The following SAXO1 variants were observed in gnomAD, a reference collection of about 807,000 sequenced individuals.
SAXO1 encodes 4930500O09Rik.
A neutral mutation model predicts 17.5 loss-of-function variants in SAXO1; 21 were observed. The observed-to-expected ratio is 1.20, with a 90% CI of 0.85 to 1.72. SAXO1 has a LOEUF of 1.72. SAXO1 is among the 40% of genes most tolerant of loss of function. The pLI is 0.00. For synonymous variants in SAXO1, 274 were observed against 216.5 expected (o/e 1.27, Z -2.33); for missense variants, 843 against 596.0 (o/e 1.41, Z -4.32).
At chr9:19,028,795 C>G (rs570092854) in intron 1 of SAXO1, among the ~76,000 whole-genome samples, 12 of 152,250 alleles carry the variant, frequency 7.9e-5, no homozygotes, top group African/African-American at 2.9e-4. Flanking sequence ...AAAAGTTTTA[C>G]AAGTGATTGG....
At chr9:18,945,814 G>A (rs972594594) in intron 2 of SAXO1, among the ~76,000 whole-genome samples, 1 of 152,164 alleles carries the variant, frequency 6.6e-6, no homozygotes, top group Non-Finnish European at 1.5e-5. Context: ...ATTCTGGGGA[G>A]AGCCAACAGG....
At chr9:18,983,874 A>G (rs72694598) in intron 1 of SAXO1, among the ~76,000 whole-genome samples, 2,132 of 152,328 alleles carry the variant, frequency 0.014, 21 homozygotes, top group Non-Finnish European at 0.023. Context: ...CTGGCTTCCA[A>G]TCTTCAAAGG....
chr9:18,928,176 T>C lies in SAXO1; in HGVS notation c.1301A>G (p.Glu434Gly). The C allele has an allele frequency of 1.2e-6, 2 of 1,614,172 alleles. No individual in the cohort carries two copies. Among genetic ancestry groups the C allele is most frequent in the African/African-American group, 1.3e-5 (1 of 75,046 alleles). ...TATCCTGTGACCCAAAGCATCCACTTCCTCAAAGGTGTAGCCAGGAGGCTC... is the reference window on the plus strand; with the variant it reads ...TATCCTGTGACCCAAAGCATCCACTCCCTCAAAGGTGTAGCCAGGAGGCTC... ...YPEPPGYTFEEVDALGHRIYK... is the reference protein window; with the variant it reads ...YPEPPGYTFEGVDALGHRIYK... The change falls in exon 4 of 4, where the codon GAA (glutamate) becomes GGA (glycine). Residue 434 changes from glutamate to glycine, a missense_variant. Coordinates refer to ENST00000380534, the MANE Select transcript of SAXO1 (RefSeq NM_153707.4).
In SAXO1 at chr9:19,033,176, G is replaced by A. The variant is rs1306983659; in HGVS notation, c.-268C>T. 2 of 410,908 alleles carry A rather than the reference G, an allele frequency of 4.9e-6. No individual in the cohort carries two copies. Among genetic ancestry groups the A allele is most frequent in the Admixed American group, 4.3e-5 (1 of 23,324 alleles). 25.5% of individuals were successfully genotyped at this position (410,908 alleles called of 1,614,324 possible). A position where few individuals can be genotyped will look rare whatever the true frequency, so the allele number is the denominator to read the frequency against. On this transcript the variant is annotated 5_prime_UTR_variant, in exon 1 of 4. Coordinates refer to ENST00000380534, the MANE Select transcript of SAXO1 (RefSeq NM_153707.4). ...CCTGCACGCCACCGCCCCGGCCTCC[G>A]CAGTCCAGACTTAAGCACCTGGAGC... is the stretch of plus-strand genomic sequence containing the variant.
intron 1 of SAXO1, chr9:19,027,629 A>C: frequency 7.0e-7 from 1 of 1,434,032 alleles, no homozygotes. Context: ...AGATGGTGCC[A>C]AGCTAGTCCG....
At chr9:18,961,535 T>A (rs1034705604) in intron 1 of SAXO1, among the ~76,000 whole-genome samples, 1 of 151,862 alleles carries the variant, frequency 6.6e-6, no homozygotes, top group African/African-American at 2.4e-5. Context: ...CCCCTCCCTG[T>A]GTCCATGTGT....
chr9:19,041,525 A>G (rs1028079510), intron 1 of SAXO1, among the ~76,000 whole-genome samples: 30 of 152,206 alleles, frequency 2.0e-4, no homozygotes, highest in African/African-American at 7.2e-4. Flanking sequence ...TGGAGGAATC[A>G]CATTACCTGA....
At chr9:19,016,011 G>A (rs1834959864) in intron 1 of SAXO1, among the ~76,000 whole-genome samples, 1 of 152,186 alleles carries the variant, frequency 6.6e-6, no homozygotes, top group Admixed American at 6.5e-5. Context: ...GTACACTGAA[G>A]GCTGAGAATA....
Position 18,928,407 on chromosome 9 carries a change from G to A in SAXO1, c.1070C>T (p.Pro357Leu). 2 of 1,609,800 alleles carry A rather than the reference G, an allele frequency of 1.2e-6. No individual in the cohort carries two copies. The highest frequency in any genetic ancestry group is 4.5e-5 in the East Asian group (2 of 44,762). The change falls in exon 4 of 4, where the codon CCC becomes CTC. Residue 357 changes from proline to leucine, a missense_variant. By Grantham distance (98) the Pro-to-Leu change is moderately conservative (BLOSUM62 -3). Transcript: ENST00000380534. ...WSSMRTEPVK[P>L]VPQLDLPTEP... ...GGTGGGCAAGTCCAGCTGGGGAACG[G>A]GCTTGACTGGCTCTGTGCGCATGCT...
At chr9:18,930,049 C>G (rs1295616383) in intron 3 of SAXO1, among the ~76,000 whole-genome samples, 1 of 152,162 alleles carries the variant, frequency 6.6e-6, no homozygotes, top group East Asian at 1.9e-4. Flanking sequence ...AGTCACATGG[C>G]TAGTGAGGTG....
intron 2 of SAXO1, among the ~76,000 whole-genome samples, chr9:18,945,271 G>A (rs1343506332): frequency 6.6e-6 from 1 of 152,026 alleles, no homozygotes; most frequent in African/African-American, 2.4e-5. Flanking sequence ...TTGTTTTCCA[G>A]ACCCAACCGC....
upstream of SAXO1, among the ~76,000 whole-genome samples, chr9:19,034,091 A>C (rs1237469601): frequency 6.6e-6 from 1 of 152,226 alleles, no homozygotes; most frequent in East Asian, 1.9e-4. Context: ...TGCTCTGGCC[A>C]GTTGTTTGGA....
intron 1 of SAXO1, among the ~76,000 whole-genome samples, chr9:18,961,497 CCCT>C (rs1832482080): frequency 6.6e-6 from 1 of 152,098 alleles, no homozygotes; most frequent in Non-Finnish European, 1.5e-5. Flanking sequence ...TTGCCCCCAC[CCCT>C]CAACAGACCC....
chr9:19,037,838 C>A (rs569887843), upstream of SAXO1, among the ~76,000 whole-genome samples: 10 of 152,330 alleles, frequency 6.6e-5, no homozygotes, highest in South Asian at 8.3e-4. Flanking sequence ...CTGTCTCTTA[C>A]AACTGACATA....
chr9:18,930,729 C>T (rs1260023522), intron 3 of SAXO1, among the ~76,000 whole-genome samples: 4 of 152,168 alleles, frequency 2.6e-5, no homozygotes, highest in African/African-American at 7.2e-5. Context: ...GAACTCCCGA[C>T]CTCAGGTAAT....
intron 1 of SAXO1, among the ~76,000 whole-genome samples, chr9:18,955,925 C>A (rs1265372589): frequency 7.9e-6 from 1 of 126,984 alleles, no homozygotes; most frequent in African/African-American, 3.0e-5. Context: ...CTTGCATGAG[C>A]CTCTACTTTT....
chr9:18,928,066 C>A lies in SAXO1; in HGVS notation c.1411G>T (p.Glu471Ter), dbSNP rs1830839312. 1.2e-6 allele frequency: 2 copies of A among 1,601,052 alleles called. No homozygotes were observed. Among genetic ancestry groups the A allele is most frequent in the East Asian group, 2.2e-5 (1 of 44,566 alleles). Reference protein sequence around the residue: ...DSENPNQRELEVLA With the variant: ...DSENPNQREL Reference sequence around the variant, plus strand: ...ATTTTTCAAAATCAGGCTAACACTTCCAACTCCCTCTGGTTGGGGTTTTCT... The same window carrying A: ...ATTTTTCAAAATCAGGCTAACACTTACAACTCCCTCTGGTTGGGGTTTTCT... Residue 471 changes from glutamate (E) to a stop codon, truncating the protein, a stop_gained, in exon 4 of 4, where the codon GAA becomes TAA. Transcript: ENST00000380534. LOFTEE classifies it high-confidence loss of function.
At chr9:19,028,970 A>G (rs72696433) in intron 1 of SAXO1, among the ~76,000 whole-genome samples, 8,868 of 152,288 alleles carry the variant, frequency 0.058, 289 homozygotes, top group African/African-American at 0.082. Flanking sequence ...CCAGAACTCC[A>G]AAGGTTTTGC....
chr9:18,984,667 T>A (rs55667259), intron 1 of SAXO1, among the ~76,000 whole-genome samples: 40,466 of 152,150 alleles, frequency 0.27, 6,165 homozygotes, highest in Non-Finnish European at 0.33. Context: ...AGGGCCTTGC[T>A]CTGGGTGTTA....
Sources: gnomAD v4.1 joint callset for allele counts (sites outside exome capture counted in the v4.1 genomes callset) on GRCh38, gnomAD v4.1.1 for gene constraint, MANE v1.5 for transcripts, NCBI Gene and HGNC (gene_info 2026-07-23, HGNC 2026-07-21) for gene names.